The following SND1 variants were observed in gnomAD, a reference collection of about 807,000 sequenced individuals.
SND1 encodes the protein staphylococcal nuclease and tudor domain containing 1.
SND1 carries 38 observed loss-of-function variants against 121.7 expected under a neutral mutation model. The ratio of observed to expected loss-of-function variants is 0.31; its 90% CI spans 0.24 to 0.41. The LOEUF is 0.41. Among genes scored for constraint, SND1 ranks in the 10% least tolerant of loss-of-function variants. The pLI, the probability that SND1 is intolerant of heterozygous loss-of-function variation, is 1.00. For missense variants in SND1, 868 were observed against 1,184.6 expected (o/e 0.73, Z 3.92); for synonymous variants, 401 against 447.4 (o/e 0.90, Z 1.31).
intron 10 of SND1, among the ~76,000 whole-genome samples, chr7:127,757,608 TG>T (rs1054787180): frequency 1.3e-5 from 2 of 152,244 alleles, no homozygotes; most frequent in Admixed American, 6.5e-5. Context: ...GCATCTCAGT[TG>T]GTTTTAATTT....
At chr7:127,740,179 C>T (rs1437473682) in intron 10 of SND1, among the ~76,000 whole-genome samples, 4 of 152,166 alleles carry the variant, frequency 2.6e-5, no homozygotes, top group Non-Finnish European at 4.4e-5. Flanking sequence ...GTAAGGGTAA[C>T]TGGCTATATT....
intron 15 of SND1, among the ~76,000 whole-genome samples, chr7:127,941,676 A>G (rs1193373681): frequency 6.6e-6 from 1 of 152,182 alleles, no homozygotes; most frequent in Non-Finnish European, 1.5e-5. Flanking sequence ...AACTCCACTG[A>G]TATACCAGTT....
intron 11 of SND1, among the ~76,000 whole-genome samples, chr7:127,842,453 TA>T (rs1426661853): frequency 1.3e-5 from 2 of 152,352 alleles, no homozygotes; most frequent in South Asian, 2.1e-4. Flanking sequence ...ATTCTAGGGT[TA>T]AACCATTTTT....
At chr7:127,902,935 G>A (rs1446820494) in intron 13 of SND1, among the ~76,000 whole-genome samples, 5 of 151,788 alleles carry the variant, frequency 3.3e-5, no homozygotes, top group Non-Finnish European at 7.4e-5. Context: ...AGGCTGGAGT[G>A]CAGTTGCGCA....
At chr7:127,971,523 T>C (rs1458437952) in intron 15 of SND1, among the ~76,000 whole-genome samples, 1 of 152,156 alleles carries the variant, frequency 6.6e-6, no homozygotes, top group Non-Finnish European at 1.5e-5. Flanking sequence ...CAGTAAATAA[T>C]GAATCTGAAG....
chr7:127,968,150 T>C (rs1801898660), intron 15 of SND1, among the ~76,000 whole-genome samples: 1 of 152,254 alleles, frequency 6.6e-6, no homozygotes, highest in Non-Finnish European at 1.5e-5. Context: ...ACCAATTTGA[T>C]TTGTCCTCTT....
intron 14 of SND1, among the ~76,000 whole-genome samples, chr7:127,926,761 T>TA (rs1563060629): frequency 2.2e-4 from 30 of 133,446 alleles, no homozygotes; most frequent in African/African-American, 1.1e-3. Flanking sequence ...TTGTTGTTGT[T>TA]GTTGTACTTT....
chr7:127,971,023 G>A lies in SND1; in HGVS notation c.1670-19924G>A, dbSNP rs144067454. Among the ~76,000 whole-genome samples, 665 of 152,230 alleles carry A rather than the reference G, an allele frequency of 4.4e-3. 8 individuals are homozygous for A. The highest frequency in any genetic ancestry group is 0.015 in the African/African-American group (635 of 41,550). On this transcript the variant is annotated intron_variant, in intron 15 of 23. Transcript: ENST00000354725. Reference sequence around the variant, plus strand: ...CAGTGTGGATTGCCATCACCTGATCGTCTTTACAGGACCACAAAAGCAGTG... The same window carrying A: ...CAGTGTGGATTGCCATCACCTGATCATCTTTACAGGACCACAAAAGCAGTG...
chr7:128,070,033 A>T (rs1206583182), intron 16 of SND1, among the ~76,000 whole-genome samples: 1 of 152,354 alleles, frequency 6.6e-6, no homozygotes, highest in South Asian at 2.1e-4. Context: ...CTCTGCCAGC[A>T]TCAAGAGCAG....
intron 16 of SND1, among the ~76,000 whole-genome samples, chr7:128,066,109 C>A (rs1793309238): frequency 6.6e-6 from 1 of 152,238 alleles, no homozygotes; most frequent in Admixed American, 6.5e-5. Context: ...CATTTCCCAG[C>A]AGACCCAGAT....
At chr7:127,766,321 A>G (rs558892919) in intron 10 of SND1, among the ~76,000 whole-genome samples, 4 of 152,234 alleles carry the variant, frequency 2.6e-5, no homozygotes, top group African/African-American at 9.6e-5. Context: ...GTATTGTGTT[A>G]TAGCAGCATA....
intron 11 of SND1, among the ~76,000 whole-genome samples, chr7:127,817,812 C>T (rs1458633382): frequency 7.0e-6 from 1 of 142,790 alleles, no homozygotes; most frequent in African/African-American, 2.6e-5. Flanking sequence ...GTTCTTTGTC[C>T]TCCGATAATA....
chr7:128,083,325 C>T (rs189710450), intron 18 of SND1, among the ~76,000 whole-genome samples: 3 of 152,320 alleles, frequency 2.0e-5, no homozygotes, highest in Admixed American at 2.0e-4. Context: ...AGGGAGGAAG[C>T]TGTCTGTCAA....
intron 2 of SND1, among the ~76,000 whole-genome samples, chr7:127,689,351 A>G (rs1173954692): frequency 2.0e-5 from 3 of 152,204 alleles, no homozygotes; most frequent in Admixed American, 6.5e-5. Flanking sequence ...TTCTTTTCCT[A>G]TTGTGTAACA....
chr7:128,029,543 C>G lies in SND1; in HGVS notation c.1779+38487C>G. 3 of 1,614,080 alleles carry G rather than the reference C, an allele frequency of 1.9e-6. No individual in the cohort carries two copies. The highest frequency in any genetic ancestry group is 2.5e-6 in the Non-Finnish European group (3 of 1,180,028). ...GACACTTAAGTTCTGCCATCCGACC[C>G]TCAGAAATGTTGAGGTCTCGAGGTG... On this transcript the variant is annotated intron_variant, in intron 16 of 23. Coordinates refer to ENST00000354725, the MANE Select transcript of SND1 (RefSeq NM_014390.4). This position sits in a 1 kb window ranked among gnomAD's most constrained non-coding sequence, Gnocchi z 4.2.
chr7:127,969,406 C>A (rs1004692134), intron 15 of SND1, among the ~76,000 whole-genome samples: 3 of 152,104 alleles, frequency 2.0e-5, no homozygotes, highest in Non-Finnish European at 2.9e-5. Context: ...CGCTCGTATA[C>A]AAAATGAGAA....
chr7:127,925,023 T>C (rs1283200100), intron 14 of SND1, among the ~76,000 whole-genome samples: 4 of 152,212 alleles, frequency 2.6e-5, no homozygotes, highest in Non-Finnish European at 4.4e-5. Context: ...GTTTGAGATA[T>C]AGATACTAAC....
chr7:127,791,141 CTTTT>C lies in SND1; in HGVS notation c.1153-16324_1153-16321del, dbSNP rs66878881. ...TTGAATGAAATGAGCTTTACCTCTC[CTTTT>C]TTTTTTTTTTTTTTTTTTGAGGCAG... On this transcript the variant is annotated intron_variant, in intron 10 of 23. Coordinates refer to ENST00000354725, the MANE Select transcript of SND1 (RefSeq NM_014390.4). Among the ~76,000 whole-genome samples the C allele has an allele frequency of 1.2e-3, 136 of 110,842 alleles. 1 individual carries two copies. In the East Asian group the frequency reaches 0.028, roughly 22 times the overall value. The allele number at this position is 110,842 out of a possible 152,430, so 72.7% of individuals were successfully genotyped here. A position where few individuals can be genotyped will look rare whatever the true frequency, so the allele number is the denominator to read the frequency against.
chr7:127,712,340 G>A (rs1027716345), intron 9 of SND1, among the ~76,000 whole-genome samples: 115 of 152,044 alleles, frequency 7.6e-4, no homozygotes, highest in African/African-American at 2.7e-3. Flanking sequence ...TAAATTTTTT[G>A]TAGAGATGAG....
Sources: allele counts gnomAD v4.1 joint callset (sites outside exome capture counted in the v4.1 genomes callset), GRCh38; gene constraint gnomAD v4.1.1; non-coding constraint Gnocchi (gnomAD v3.1); transcripts MANE v1.5; gene names NCBI Gene and HGNC (gene_info 2026-07-23, HGNC 2026-07-21).